Variants in CALN1 observed in about 807,000 individuals in gnomAD.
The protein encoded by CALN1 is calneuron 1.
CALN1 carries 17 observed loss-of-function variants against 30.6 expected under a neutral mutation model. The ratio of observed to expected loss-of-function variants is 0.56; its 90% CI spans 0.38 to 0.83. The LOEUF (loss-of-function observed/expected upper bound fraction) is 0.83, where lower values mean the gene tolerates loss of function less well. Ranked by LOEUF, CALN1 falls within the 40% of genes least tolerant of loss-of-function variation. The probability of loss-of-function intolerance (pLI) is 0.00; values close to 1 mark genes in which losing one functional copy is unlikely to be tolerated. For synonymous variants in CALN1, 156 were observed against 131.4 expected, an observed-to-expected ratio of 1.19 and a Z score of -1.28; for missense variants, 291 against 354.9, an observed-to-expected ratio of 0.82 and a Z score of 1.45.
At chr7:72,237,542 G>T (rs1794550338) in intron 3 of CALN1, among the ~76,000 whole-genome samples, 1 of 152,174 alleles carries the variant, frequency 6.6e-6, no homozygotes, top group South Asian at 2.1e-4. Flanking sequence ...CACAGCGAGG[G>T]CCAGGAGACA....
chr7:72,059,102 G>A (rs780114952), intron 4 of CALN1, among the ~76,000 whole-genome samples: 1 of 152,180 alleles, frequency 6.6e-6, no homozygotes, highest in Non-Finnish European at 1.5e-5. Context: ...CACAAGAGAT[G>A]TACAGAATAT....
intron 1 of CALN1, among the ~76,000 whole-genome samples, chr7:72,435,582 C>A (rs1234020601): frequency 6.6e-6 from 1 of 152,166 alleles, no homozygotes; most frequent in Non-Finnish European, 1.5e-5. Context: ...AGCGAGGCAG[C>A]AGCCAGCGCG....
At chr7:71,982,413 G>A (rs1446973215) in intron 5 of CALN1, among the ~76,000 whole-genome samples, 2 of 152,158 alleles carry the variant, frequency 1.3e-5, no homozygotes, top group African/African-American at 4.8e-5. Flanking sequence ...TGGCCAACAT[G>A]GCAAAACCCT....
In CALN1 at chr7:72,048,627, C is replaced by T. The variant is rs185926462; in HGVS notation, c.389-24858G>A. Among the ~76,000 whole-genome samples the T allele has an allele frequency of 1.2e-4, 19 of 152,172 alleles. No homozygotes were observed. In the East Asian group the frequency reaches 3.3e-3, roughly 26 times the overall value. The stretch of plus-strand genomic sequence containing the variant: ...AATTTTATAGAGGTAAATATAAGTG[C>T]TTTCTGAAAAATATAATTTCCTTCC... On this transcript the variant is annotated intron_variant, in intron 4 of 6. Transcript: ENST00000395275.
intron 2 of CALN1, among the ~76,000 whole-genome samples, chr7:72,330,010 G>A (rs1445417782): frequency 6.6e-6 from 1 of 151,208 alleles, no homozygotes; most frequent in Non-Finnish European, 1.5e-5. Flanking sequence ...CAAAAATTAG[G>A]TCGGGCGCAG....
intron 5 of CALN1, among the ~76,000 whole-genome samples, chr7:71,965,678 T>C (rs1020587046): frequency 4.6e-5 from 7 of 152,136 alleles, no homozygotes; most frequent in Non-Finnish European, 8.8e-5. Context: ...ATTTTTCAAC[T>C]GATATGGTAT....
chr7:72,437,856 C>CTTCT (rs1314302917), intron 1 of CALN1, among the ~76,000 whole-genome samples: 1 of 141,280 alleles, frequency 7.1e-6, no homozygotes, highest in East Asian at 2.1e-4. Context: ...CCCTTCCTTC[C>CTTCT]TTCTTTCTTT....
chr7:71,960,182 TA>T (rs200662441), intron 5 of CALN1, among the ~76,000 whole-genome samples: 1 of 138,828 alleles, frequency 7.2e-6, no homozygotes, highest in Non-Finnish European at 1.6e-5. Flanking sequence ...AATAAATAAA[TA>T]AAATAAAATA....
intron 5 of CALN1, among the ~76,000 whole-genome samples, chr7:71,839,765 G>A (rs1006241375): frequency 3.3e-5 from 5 of 152,064 alleles, no homozygotes; most frequent in South Asian, 2.1e-4. Context: ...TTCTTATGGC[G>A]GCATCTCAAG....
At chr7:72,328,990 C>A (rs1801477445) in intron 2 of CALN1, among the ~76,000 whole-genome samples, 1 of 152,246 alleles carries the variant, frequency 6.6e-6, no homozygotes, top group Non-Finnish European at 1.5e-5. Flanking sequence ...AGCCAACGTG[C>A]CCAGCCCGGT....
intron 5 of CALN1, among the ~76,000 whole-genome samples, chr7:71,814,393 T>C (rs1386148175): frequency 6.6e-6 from 1 of 152,182 alleles, no homozygotes; most frequent in African/African-American, 2.4e-5. Context: ...CATGAGATTC[T>C]AGAGCTTGAG....
intron 3 of CALN1, among the ~76,000 whole-genome samples, chr7:72,124,662 T>G (rs923405648): frequency 2.7e-5 from 4 of 148,998 alleles, no homozygotes; most frequent in South Asian, 2.1e-4. Flanking sequence ...TAAATAGTAA[T>G]AATAATATAA....
At chr7:72,047,337 AC>A (rs1185331740) in intron 4 of CALN1, among the ~76,000 whole-genome samples, 1 of 152,248 alleles carries the variant, frequency 6.6e-6, no homozygotes, top group Admixed American at 6.5e-5. Context: ...AGTCGTGGCT[AC>A]CTGTAATTTC....
chr7:71,963,675 AC>A (rs1256835285), intron 5 of CALN1, among the ~76,000 whole-genome samples: 2 of 151,230 alleles, frequency 1.3e-5, no homozygotes, highest in African/African-American at 4.9e-5. Flanking sequence ...TTTTTCCCTT[AC>A]CCCCTTGGTC....
intron 4 of CALN1, among the ~76,000 whole-genome samples, chr7:72,053,421 T>C (rs1460236707): frequency 6.6e-6 from 1 of 152,144 alleles, no homozygotes; most frequent in African/African-American, 2.4e-5. Flanking sequence ...TCAGAGCACA[T>C]ACCCAGTAAT....
intron 3 of CALN1, among the ~76,000 whole-genome samples, chr7:72,262,775 G>A (rs1327188062): frequency 1.3e-5 from 2 of 152,144 alleles, no homozygotes; most frequent in Non-Finnish European, 2.9e-5. Context: ...ACAATTCAAG[G>A]TTTGGAAACT....
chr7:72,259,292 A>G (rs940283915), intron 3 of CALN1, among the ~76,000 whole-genome samples: 2 of 152,030 alleles, frequency 1.3e-5, no homozygotes, highest in African/African-American at 2.4e-5. Flanking sequence ...CAAAATCTGT[A>G]TATCTGGGAT....
chr7:71,895,872 A>G (rs111778206), intron 5 of CALN1, among the ~76,000 whole-genome samples: 163 of 152,300 alleles, frequency 1.1e-3, no homozygotes, highest in African/African-American at 3.8e-3. Context: ...TTTTACACCA[A>G]TCTAATGGTT....
chr7:72,142,662 T>C (rs1810039251), intron 3 of CALN1, among the ~76,000 whole-genome samples: 1 of 152,108 alleles, frequency 6.6e-6, no homozygotes, highest in Non-Finnish European at 1.5e-5. Context: ...GATCTGAGAA[T>C]GAACAGACTG....
Sources: allele counts gnomAD v4.1 joint callset (sites outside exome capture counted in the v4.1 genomes callset), GRCh38; gene constraint gnomAD v4.1.1; transcripts MANE v1.5; gene names NCBI Gene and HGNC (gene_info 2026-07-23, HGNC 2026-07-21).